Variants in FASN observed in about 807,000 individuals in gnomAD.
FASN encodes the protein 3-hydroxyacyl-[acyl-carrier-protein] dehydratase.
In FASN, 50 loss-of-function variants were observed where a neutral mutation model predicts 250.0. That is an observed-to-expected ratio of 0.20 (90% CI 0.16 to 0.25). The LOEUF is 0.25. Ranked by LOEUF, FASN falls within the 10% of genes least tolerant of loss-of-function variation. FASN has a pLI of 1.00. For missense variants in FASN, 3,031 were observed against 3,498.5 expected (o/e 0.87, Z 3.37); for synonymous variants, 1,909 against 1,584.0 (o/e 1.21, Z -4.87).
At position 82,079,158 on chromosome 17, in the gene FASN, G is replaced by A. The variant is rs765784168; in HGVS notation, c.7521C>T (p.Ser2507=). The change falls in exon 43 of 43, where the codon AGC becomes AGT. Residue 2507 remains serine (S), a synonymous_variant. Coordinates refer to ENST00000306749, the MANE Select transcript of FASN (RefSeq NM_004104.5). ...IHSSLAEPRV[S]VREG ...GGGCACGGGCCTAGCCCTCCCGCAC[G>A]CTCACGCGTGGCTCAGCCAGGGAGC... 8 of 1,612,234 alleles carry A rather than the reference G, an allele frequency of 5.0e-6. No homozygotes were observed. Among genetic ancestry groups the A allele is most frequent in the East Asian group, 4.5e-5 (2 of 44,872 alleles).
chr17:82,095,760 G>A (rs73999389), intron 2 of FASN, among the ~76,000 whole-genome samples: 4,440 of 152,248 alleles, frequency 0.029, 221 homozygotes, highest in African/African-American at 0.1. Flanking sequence ...ACCATCTGCC[G>A]GGCTGGTGCC....
At chr17:82,089,226 AC>A (rs750409250) in intron 13 of FASN, 23 bp downstream of exon 13, 1 of 1,609,826 alleles carries the variant, frequency 6.2e-7, no homozygotes, top group Non-Finnish European at 8.5e-7. Flanking sequence ...CCCGCCCCGC[AC>A]CCCCCAGGCC....
In FASN at chr17:82,098,170, C is replaced by T. The variant is rs368070037; in HGVS notation, c.-57G>A. On this transcript the variant is annotated 5_prime_UTR_variant, in exon 1 of 43. Coordinates refer to ENST00000306749, the MANE Select transcript of FASN (RefSeq NM_004104.5). ...CGGGCGGCGGAGAGCGAGGCTGGAG[C>T]GCGGCGGAGCGGGAGGCTGAAGCGC... 35 of 360,196 alleles carry T rather than the reference C, an allele frequency of 9.7e-5. 1 individual carries two copies. Among genetic ancestry groups the T allele is most frequent in the South Asian group, 6.6e-4 (5 of 7,592 alleles). 22.3% of individuals were successfully genotyped at this position (360,196 alleles called of 1,614,324 possible).
chr17:82,078,847 G>A lies in FASN; in HGVS notation c.*296C>T, dbSNP rs2033935635. On this transcript the variant is annotated 3_prime_UTR_variant, in exon 43 of 43. Coordinates refer to ENST00000306749, the MANE Select transcript of FASN (RefSeq NM_004104.5). This position sits in a 1 kb window ranked among gnomAD's most constrained non-coding sequence, Gnocchi z 5.4. ...GCAAATCCAAGCACAGAAAGACCAAGCGCAGACCCCACGGGCGCACGAGGC... is the reference window on the plus strand; with the variant it reads ...GCAAATCCAAGCACAGAAAGACCAAACGCAGACCCCACGGGCGCACGAGGC... The A allele has an allele frequency of 1.9e-6, 1 of 534,226 alleles. No homozygotes were observed. Among genetic ancestry groups the A allele is most frequent in the Non-Finnish European group, 3.4e-6 (1 of 293,572 alleles). 33.1% of individuals were successfully genotyped at this position (534,226 alleles called of 1,614,324 possible).
Position 82,095,358 on chromosome 17 carries a change from A to G in FASN, c.242T>C (p.Leu81Pro). ...QAHTMDPQLR[L>P]LLEVTYEAIV... ...GGCTTCATAGGTGACTTCCAGCAGC[A>G]GCCGCAGCTGAGGGTCCATCGTGTG... The change falls in exon 3 of 43, where the codon CTG becomes CCG. Residue 81 changes from leucine (L) to proline (P), a missense_variant. Leu to Pro is a moderately conservative substitution (Grantham distance 98, BLOSUM62 -3). Coordinates refer to ENST00000306749, the MANE Select transcript of FASN (RefSeq NM_004104.5). 6.2e-7 allele frequency: 1 copy of G among 1,612,972 alleles called. No homozygotes were observed.
In FASN at chr17:82,085,413, G is replaced by A. The variant is rs764343313; in HGVS notation, c.4123-11C>T. 6.3e-5 allele frequency: 101 copies of A among 1,607,618 alleles called. No homozygotes were observed. The highest frequency in any genetic ancestry group is 1.7e-4 in the Middle Eastern group (1 of 5,774). ...GCTCTCCCACGCGTCCTGTGGGGGC[G>A]GTGGTCAGCACCCTGCCCGCCTGGC... On this transcript the variant is annotated splice_polypyrimidine_tract_variant and intron_variant, in intron 23 of 42. Coordinates refer to ENST00000306749, the MANE Select transcript of FASN (RefSeq NM_004104.5).
In FASN at chr17:82,078,639, C is replaced by A. The variant is rs991987900; in HGVS notation, c.*504G>T. On this transcript the variant is annotated 3_prime_UTR_variant, in exon 43 of 43. Coordinates refer to ENST00000306749, the MANE Select transcript of FASN (RefSeq NM_004104.5). This position sits in a 1 kb window ranked among gnomAD's most constrained non-coding sequence, Gnocchi z 5.4. ...TCCTCGGGGACTGGCCCACGACCCC[C>A]CACTCAGCGGGCTGAGCCAATGCCT... 1 of 217,354 alleles carries A rather than the reference C, an allele frequency of 4.6e-6. No individual in the cohort carries two copies. Among genetic ancestry groups the A allele is most frequent in the East Asian group, 1.2e-4 (1 of 8,232 alleles). 13.5% of individuals were successfully genotyped at this position (217,354 alleles called of 1,614,324 possible).
At position 82,083,182 on chromosome 17, in the gene FASN, G is replaced by C. The variant is rs371754153; in HGVS notation, c.5565+20C>G. 1 of 1,611,788 alleles carries C rather than the reference G, an allele frequency of 6.2e-7. No individual in the cohort carries two copies. Among genetic ancestry groups the C allele is most frequent in the East Asian group, 2.2e-5 (1 of 44,872 alleles). Reference sequence around the variant, plus strand: ...GACCAGAGCCTGGGGTGCCCGAGGCGCCGGGACTCCTCCCCTCACCTGCAC... The same window carrying C: ...GACCAGAGCCTGGGGTGCCCGAGGCCCCGGGACTCCTCCCCTCACCTGCAC... On this transcript the variant is annotated intron_variant, in intron 32 of 42. Coordinates refer to ENST00000306749, the MANE Select transcript of FASN (RefSeq NM_004104.5).
intron 3 of FASN, 79 bp from the exon 4 acceptor site, chr17:82,093,850 G>A (rs1289794840): frequency 1.6e-5 from 23 of 1,447,626 alleles, no homozygotes; most frequent in African/African-American, 5.8e-5. Flanking sequence ...GCTCTGGGGC[G>A]AAGGTCCCAT....
rs941188821 is a variant in FASN at position 82,088,128 on chromosome 17, G to A, written c.2773C>T (p.Leu925=). ...GGGTACCCCTCACCAGTCTTGGGCA[G>A]GATGGTGGCCTGGTGCAGCACCACA... ...EDVVLHQATI[L]PKTGTVSLEV... is the part of the protein sequence containing the mutation. Residue 925 remains leucine, a synonymous_variant, in exon 17 of 43, where the codon CTG becomes TTG. Transcript: ENST00000306749. 6.2e-6 allele frequency: 10 copies of A among 1,612,696 alleles called. No individual in the cohort carries two copies. In the African/African-American group the frequency reaches 1.2e-4, roughly 19 times the overall value.
rs765209015 is a variant in FASN, at chr17:82,087,670, G to A, written c.3043+15C>T. 2 of 1,610,134 alleles carry A rather than the reference G, an allele frequency of 1.2e-6. No individual in the cohort carries two copies. The highest frequency in any genetic ancestry group is 1.3e-5 in the African/African-American group (1 of 74,910). On this transcript the variant is annotated intron_variant, in intron 19 of 42. Transcript: ENST00000306749. ...CCTCCCCGGTGGCTTGGGCAGCAGT[G>A]TAGTCAGTACCCACCTTCCAGGCTG...
rs2033986335 is a variant in FASN, at chr17:82,081,512, T to C, written c.6406+89A>G. On this transcript the variant is annotated intron_variant, in intron 37 of 42. Coordinates refer to ENST00000306749, the MANE Select transcript of FASN (RefSeq NM_004104.5). Reference sequence around the variant, plus strand: ...ACCCTGGCTCTGCAGATGGGGAAACTGAGGCGCACAGGGGCACGACTGCTA... The same window carrying C: ...ACCCTGGCTCTGCAGATGGGGAAACCGAGGCGCACAGGGGCACGACTGCTA... 1.9e-6 allele frequency: 3 copies of C among 1,596,722 alleles called. No individual in the cohort carries two copies. The East Asian group carries it at 6.7e-5, about 36-fold the overall frequency.
chr17:82,083,429 C>A lies in FASN; in HGVS notation c.5342-4G>T, dbSNP rs879389652. On this transcript the variant is annotated splice_region_variant and splice_polypyrimidine_tract_variant and intron_variant, in intron 31 of 42. Coordinates refer to ENST00000306749, the MANE Select transcript of FASN (RefSeq NM_004104.5). ...TTCTTCAGGAAGATAGCCATGCCTG[C>A]GGGCAGGGGCCGTGCTCACCCAGGG... The A allele has an allele frequency of 1.9e-6, 3 of 1,612,654 alleles. No homozygotes were observed. The highest frequency in any genetic ancestry group is 2.5e-6 in the Non-Finnish European group (3 of 1,179,998).
In FASN at chr17:82,087,917, C is replaced by T. The variant is rs758834420; in HGVS notation, c.2866+37G>A. The T allele has an allele frequency of 2.5e-6, 4 of 1,612,242 alleles. No individual in the cohort carries two copies. In the African/African-American group the frequency reaches 4.0e-5, roughly 16 times the overall value. ...GGACGGGCGGCATGGCCAGCGGGCA[C>T]AGCCTCCGCAGCTCCCGTGCCACCG... is the stretch of plus-strand genomic sequence containing the variant. On this transcript the variant is annotated intron_variant, in intron 18 of 42. Coordinates refer to ENST00000306749, the MANE Select transcript of FASN (RefSeq NM_004104.5).
rs530524889 is a variant in FASN, at chr17:82,084,247, C to A, written c.4906G>T (p.Val1636Leu). 6.2e-7 allele frequency: 1 copy of A among 1,612,030 alleles called. No homozygotes were observed. The highest frequency in any genetic ancestry group is 2.2e-5 in the East Asian group (1 of 44,844). Residue 1636 changes from valine to leucine, a missense_variant, in exon 28 of 43, where the codon GTG (valine) becomes TTG (leucine). Val to Leu is a conservative substitution (Grantham distance 32, BLOSUM62 1). Coordinates refer to ENST00000306749, the MANE Select transcript of FASN (RefSeq NM_004104.5). ...VLLSPDFLWD[V>L]PSNWTLEEAA... is the part of the protein sequence containing the mutation. ...CGACACACTCACCAGTTGGAAGGCA[C>A]ATCCCAGAGGAAGTCCGGTGACAGC...
chr17:82,080,013 C>G, intron 41 of FASN, 127 bp downstream of exon 41: 1 of 1,043,784 alleles, frequency 9.6e-7, no homozygotes, highest in Non-Finnish European at 1.5e-6. Flanking sequence ...CGGCCGGGAT[C>G]GGCTATTAAA....
At chr17:82,080,100 T>C in intron 41 of FASN, 40 bp downstream of exon 41, 1 of 1,587,404 alleles carries the variant, frequency 6.3e-7, no homozygotes, top group Middle Eastern at 1.7e-4. Context: ...TCCTGCCCAG[T>C]ACTCTGGGTC....
In FASN at chr17:82,082,331, G is replaced by A. The variant is rs2144783230; in HGVS notation, c.6003C>T (p.Asn2001=). 1 of 1,612,684 alleles carries A rather than the reference G, an allele frequency of 6.2e-7. No homozygotes were observed. Among genetic ancestry groups the A allele is most frequent in the South Asian group, 1.1e-5 (1 of 91,088 alleles). The change falls in exon 35 of 43, where the codon AAC becomes AAT. Residue 2001 remains asparagine (N), a synonymous_variant. Coordinates refer to ENST00000306749, the MANE Select transcript of FASN (RefSeq NM_004104.5). ...GGCTGTGCGGTACCCACCTGTCCAG[G>A]TTCAGGGTGCCGCTGTACTTGGGCT... is the stretch of plus-strand genomic sequence containing the variant. ...VCKPKYSGTL[N]LDRVTREACP...
At chr17:82,090,114 T>C (rs1447778867) in intron 11 of FASN, among the ~76,000 whole-genome samples, 1 of 152,216 alleles carries the variant, frequency 6.6e-6, no homozygotes, top group East Asian at 1.9e-4. Flanking sequence ...CTTGCTATGC[T>C]GCAGCTGTGT....
Sources: allele counts gnomAD v4.1 joint callset (sites outside exome capture counted in the v4.1 genomes callset), GRCh38; gene constraint gnomAD v4.1.1; non-coding constraint Gnocchi (gnomAD v3.1); transcripts MANE v1.5; gene names NCBI Gene and HGNC (gene_info 2026-07-23, HGNC 2026-07-21).